DIAPH2: variants seen among roughly 807,000 people sequenced by gnomAD.
DIAPH2 encodes the protein diaphanous related formin 2.
A neutral mutation model predicts 92.7 loss-of-function variants in DIAPH2; 35 were observed. The ratio of observed to expected loss-of-function variants is 0.38; its 90% CI spans 0.29 to 0.50. The LOEUF (loss-of-function observed/expected upper bound fraction) is 0.50. Among genes scored for constraint, DIAPH2 ranks in the 20% least tolerant of loss-of-function variants. The pLI is 0.94. For synonymous variants in DIAPH2, 301 were observed against 280.4 expected, an observed-to-expected ratio of 1.07 and a Z score of -0.73; for missense variants, 701 against 819.5, an observed-to-expected ratio of 0.86 and a Z score of 1.77.
Position 97,601,369 on chromosome X carries a change from C to CAAG in DIAPH2, c.*2055_*2057dup, listed in dbSNP as rs1271751487. 9.1e-6 allele frequency: 1 copy of CAAG among 109,605 alleles called. No individual in the cohort carries two copies. The highest frequency in any genetic ancestry group is 3.3e-5 in the African/African-American group (1 of 30,281). The allele number at this position is 109,605 out of a possible 1,213,427, so 9.0% of individuals were successfully genotyped here. Reference sequence around the variant, plus strand: ...CTTGCCTTATTTTCTAGTTTGTGAACAAGAACGAATGAAGTACTATTATTG... The same window carrying CAAG: ...CTTGCCTTATTTTCTAGTTTGTGAACAAGAAGAACGAATGAAGTACTATTATTG... On this transcript the variant is annotated 3_prime_UTR_variant, in exon 27 of 27. Transcript: ENST00000324765.
rs774510641 is a variant in DIAPH2 at position 97,141,540 on chromosome X, A to T, written c.2590-125A>T. On this transcript the variant is annotated intron_variant, in intron 21 of 26. Coordinates refer to ENST00000324765, the MANE Select transcript of DIAPH2 (RefSeq NM_006729.5). Reference sequence around the variant, plus strand: ...ATCTAGAGCACCGCTACTAGACCACATTAAGAACCTACCCCAAAGTTTTAA... The same window carrying T: ...ATCTAGAGCACCGCTACTAGACCACTTTAAGAACCTACCCCAAAGTTTTAA... 275 of 723,570 alleles carry T rather than the reference A, an allele frequency of 3.8e-4. No homozygotes were observed. The African/African-American group carries it at 5.4e-3, about 14-fold the overall frequency. The allele number at this position is 723,570 out of a possible 1,213,427, so 59.6% of individuals were successfully genotyped here.
chrX:97,419,072 C>T (rs925614107), intron 25 of DIAPH2, among the ~76,000 whole-genome samples: 7 of 110,786 alleles, frequency 6.3e-5, no homozygotes, highest in African/African-American at 2.3e-4. Flanking sequence ...GTGAGATCCA[C>T]ACATATCTGT....
chrX:96,817,819 A>T (rs185326446), intron 4 of DIAPH2, among the ~76,000 whole-genome samples: 21 of 108,551 alleles, frequency 1.9e-4, no homozygotes, highest in African/African-American at 6.7e-4. Flanking sequence ...CCCCCCAATC[A>T]CATTGGGGGT....
At chrX:97,306,155 C>A (rs897142651) in intron 23 of DIAPH2, among the ~76,000 whole-genome samples, 12 of 111,412 alleles carry the variant, frequency 1.1e-4, no homozygotes, top group African/African-American at 3.9e-4. Flanking sequence ...CAAATCCAAA[C>A]CCATCATTTC....
intron 23 of DIAPH2, among the ~76,000 whole-genome samples, chrX:97,278,853 C>A (rs1043037828): frequency 8.9e-6 from 1 of 112,388 alleles, no homozygotes; most frequent in Non-Finnish European, 1.9e-5. Context: ...GTTCTTCCAA[C>A]AGCATGTGTG....
At chrX:96,761,648 T>C (rs755148323) in intron 4 of DIAPH2, among the ~76,000 whole-genome samples, 1 of 111,656 alleles carries the variant, frequency 9.0e-6, no homozygotes, top group South Asian at 3.7e-4. Context: ...AATGCAGTTA[T>C]TTTGCAATGC....
intron 26 of DIAPH2, among the ~76,000 whole-genome samples, chrX:97,463,872 C>T (rs1001793816): frequency 9.9e-5 from 11 of 110,976 alleles, no homozygotes; most frequent in African/African-American, 3.3e-4. Context: ...CATCACTGTG[C>T]GAATGACTTG....
chrX:97,019,790 A>G (rs1480744708), intron 17 of DIAPH2, among the ~76,000 whole-genome samples: 2 of 111,504 alleles, frequency 1.8e-5, no homozygotes, highest in African/African-American at 6.5e-5. Flanking sequence ...ATCCATTTTG[A>G]TGCCATTCCT....
intron 23 of DIAPH2, among the ~76,000 whole-genome samples, chrX:97,314,692 G>A (rs2068826605): frequency 9.0e-6 from 1 of 111,601 alleles, no homozygotes; most frequent in Non-Finnish European, 1.9e-5. Context: ...TTTCTTCTGC[G>A]TTTGAATTTA....
At chrX:97,470,086 C>G (rs2070549747) in intron 26 of DIAPH2, among the ~76,000 whole-genome samples, 1 of 111,578 alleles carries the variant, frequency 9.0e-6, no homozygotes, top group South Asian at 3.8e-4. Flanking sequence ...CATATGATCT[C>G]TGTCCTATGA....
intron 25 of DIAPH2, among the ~76,000 whole-genome samples, chrX:97,423,901 C>T (rs960147211): frequency 9.0e-6 from 1 of 110,706 alleles, no homozygotes; most frequent in Non-Finnish European, 1.9e-5. Context: ...AGGTTGAACT[C>T]GTAGACCAAA....
chrX:96,741,737 G>T (rs1188946689), intron 3 of DIAPH2, among the ~76,000 whole-genome samples: 1 of 111,323 alleles, frequency 9.0e-6, no homozygotes, highest in African/African-American at 3.3e-5. Flanking sequence ...GCCTGCCTTG[G>T]CCTCCCAAAG....
At chrX:96,784,402 TG>T (rs1368723162) in intron 4 of DIAPH2, among the ~76,000 whole-genome samples, 1 of 112,133 alleles carries the variant, frequency 8.9e-6, no homozygotes, top group African/African-American at 3.2e-5. Flanking sequence ...TATATGGAAT[TG>T]GTAATGTTGA....
At position 96,884,187 on chromosome X, in the gene DIAPH2, G is replaced by T; in HGVS notation, c.587+2469G>T. 4 of 531,155 alleles carry T rather than the reference G, an allele frequency of 7.5e-6. No individual in the cohort carries two copies. In the East Asian group the frequency reaches 1.5e-4, roughly 19 times the overall value. The allele number at this position is 531,155 out of a possible 1,213,427, so 43.8% of individuals were successfully genotyped here. A position where few individuals can be genotyped will look rare whatever the true frequency, so the allele number is the denominator to read the frequency against. On this transcript the variant is annotated intron_variant, in intron 5 of 26. Coordinates refer to ENST00000324765, the MANE Select transcript of DIAPH2 (RefSeq NM_006729.5). ...CTCAGCCTCCCAGCATTCAATCGTAGCCTTTCGGACAGCTCGAAGCCTTCT... is the reference window on the plus strand; with the variant it reads ...CTCAGCCTCCCAGCATTCAATCGTATCCTTTCGGACAGCTCGAAGCCTTCT...
chrX:97,363,543 G>A (rs2069347115), intron 24 of DIAPH2, among the ~76,000 whole-genome samples: 1 of 106,796 alleles, frequency 9.4e-6, no homozygotes, highest in African/African-American at 3.4e-5. Flanking sequence ...GCTTGCACCT[G>A]TAATCCCAGC....
At chrX:97,400,782 A>T (rs146332502) in intron 25 of DIAPH2, among the ~76,000 whole-genome samples, 183 of 112,135 alleles carry the variant, frequency 1.6e-3, no homozygotes, top group African/African-American at 5.7e-3. Context: ...GTTTTTGTGT[A>T]AACAAGCATA....
intron 22 of DIAPH2, among the ~76,000 whole-genome samples, chrX:97,144,492 C>T (rs1039981398): frequency 1.8e-5 from 2 of 110,323 alleles, no homozygotes; most frequent in African/African-American, 6.6e-5. Context: ...ATACGCTAAA[C>T]ACCCCAATTT....
chrX:96,739,288 A>G (rs1214163689), intron 3 of DIAPH2, among the ~76,000 whole-genome samples: 1 of 112,013 alleles, frequency 8.9e-6, no homozygotes, highest in Non-Finnish European at 1.9e-5. Flanking sequence ...ATCACTGCCT[A>G]TATTAGATAA....
intron 19 of DIAPH2, among the ~76,000 whole-genome samples, chrX:97,080,381 T>A (rs1274049625): frequency 9.1e-6 from 1 of 109,495 alleles, no homozygotes; most frequent in Non-Finnish European, 1.9e-5. Context: ...GATGCCTCCA[T>A]ACCTGGAAAC....
Sources: allele counts gnomAD v4.1 joint callset (sites outside exome capture counted in the v4.1 genomes callset), GRCh38; gene constraint gnomAD v4.1.1; transcripts MANE v1.5; gene names NCBI Gene and HGNC (gene_info 2026-07-23, HGNC 2026-07-21).